The following ANKFN1 variants were observed in gnomAD, a reference collection of about 807,000 sequenced individuals.
ANKFN1 encodes ankyrin repeat and fibronectin type III domain containing 1, also known as ankyrin repeat and fibronectin type-III domain-containing protein 1.
In ANKFN1, 74 loss-of-function variants were observed where a neutral mutation model predicts 108.7. The ratio of observed to expected loss-of-function variants is 0.68; its 90% CI spans 0.56 to 0.83. The LOEUF (loss-of-function observed/expected upper bound fraction) is 0.83, where lower values mean the gene tolerates loss of function less well. ANKFN1 is among the 40% of genes least tolerant of loss of function. ANKFN1 has a pLI of 0.00. For missense variants in ANKFN1, 1,505 were observed against 1,382.3 expected (o/e 1.09, Z -1.41); for synonymous variants, 547 against 516.2 (o/e 1.06, Z -0.81).
chr17:56,066,183 T>C (rs1347412419), intron 4 of ANKFN1, among the ~76,000 whole-genome samples: 1 of 152,208 alleles, frequency 6.6e-6, no homozygotes, highest in East Asian at 1.9e-4. Flanking sequence ...ACAAAACACT[T>C]AGATCACCTC....
intron 8 of ANKFN1, among the ~76,000 whole-genome samples, chr17:56,400,984 C>T (rs1358796566): frequency 6.6e-6 from 1 of 152,148 alleles, no homozygotes; most frequent in Non-Finnish European, 1.5e-5. Context: ...GTTTTGGTGA[C>T]TATGGCCTTA....
rs2049069554 is a variant in ANKFN1 at position 56,440,571 on chromosome 17, T to C, written c.1008+147T>C. On this transcript the variant is annotated intron_variant, in intron 9 of 20. Transcript: ENST00000682825. Reference sequence around the variant, plus strand: ...CATTAAGCATGATATGTCTGGTATCTAGAATCTGAATTTCACAAAGGAGTA... The same window carrying C: ...CATTAAGCATGATATGTCTGGTATCCAGAATCTGAATTTCACAAAGGAGTA... The C allele has an allele frequency of 1.2e-5, 7 of 578,968 alleles. No individual in the cohort carries two copies. In the South Asian group the frequency reaches 1.5e-4, roughly 13 times the overall value. 35.9% of individuals were successfully genotyped at this position (578,968 alleles called of 1,614,324 possible).
chr17:56,487,257 C>T (rs2050885694), intron 18 of ANKFN1, among the ~76,000 whole-genome samples: 1 of 152,100 alleles, frequency 6.6e-6, no homozygotes, highest in South Asian at 2.1e-4. Flanking sequence ...AGGATAGGAC[C>T]CCTTTGCAAT....
At chr17:56,339,621 T>C (rs1055593348) in intron 4 of ANKFN1, among the ~76,000 whole-genome samples, 5 of 152,298 alleles carry the variant, frequency 3.3e-5, no homozygotes, top group African/African-American at 1.2e-4. Context: ...CCCATGTCCC[T>C]GCAAAGGTCA....
chr17:56,254,488 C>G lies in ANKFN1; in HGVS notation c.53+26531C>G, dbSNP rs532687991. Among the ~76,000 whole-genome samples the G allele has an allele frequency of 3.3e-5, 5 of 152,274 alleles. No individual in the cohort carries two copies. The South Asian group carries it at 1.0e-3, about 32-fold the overall frequency. Reference sequence around the variant, plus strand: ...AATGACTGTGCTTCCTTTCCATAGCCAGGATGTCCCAGTATGTCCTTTCCC... The same window carrying G: ...AATGACTGTGCTTCCTTTCCATAGCGAGGATGTCCCAGTATGTCCTTTCCC... On this transcript the variant is annotated intron_variant, in intron 3 of 20. Transcript: ENST00000682825.
At chr17:56,062,181 G>A (rs116421551) in intron 4 of ANKFN1, among the ~76,000 whole-genome samples, 7,754 of 152,188 alleles carry the variant, frequency 0.051, 681 homozygotes, top group African/African-American at 0.18. Context: ...AAAGTGCCAC[G>A]TAACATTAAG....
chr17:56,206,354 A>G (rs1598236397), intron 1 of ANKFN1: 1 of 152,290 alleles, frequency 6.6e-6, no homozygotes, highest in South Asian at 2.1e-4. Context: ...CCCATGGCCC[A>G]TGATTACATG....
chr17:56,402,992 T>C (rs1041361538), intron 8 of ANKFN1, among the ~76,000 whole-genome samples: 1 of 152,180 alleles, frequency 6.6e-6, no homozygotes. Context: ...ATTTGCCATG[T>C]ATTTGCATGG....
chr17:56,475,010 C>G (rs1469760961), intron 15 of ANKFN1, among the ~76,000 whole-genome samples: 1 of 152,112 alleles, frequency 6.6e-6, no homozygotes, highest in African/African-American at 2.4e-5. Flanking sequence ...CCAGTTGTGA[C>G]CATTCTTATT....
At chr17:56,174,524 C>G (rs1254668070) in intron 1 of ANKFN1, 1 of 581,778 alleles carries the variant, frequency 1.7e-6, no homozygotes. Context: ...TTTGGGACAG[C>G]CTCTCCCCCT....
At chr17:56,189,179 T>TTTTTTTTGTTTTTTTTTTTG (rs1555607729) in intron 1 of ANKFN1, among the ~76,000 whole-genome samples, 4 of 111,398 alleles carry the variant, frequency 3.6e-5, no homozygotes, top group Admixed American at 9.5e-5. Context: ...ACTTTTTTTT[T>TTTTTTTTGTTTTTTTTTTTG]TTTTTTTTTG....
chr17:56,457,840 T>G, intron 13 of ANKFN1, 23 bp from the exon 14 acceptor site: 1 of 1,571,344 alleles, frequency 6.4e-7, no homozygotes, highest in Non-Finnish European at 8.8e-7. Flanking sequence ...GACGATGACA[T>G]GATTGCATGC....
chr17:56,275,012 T>A (rs1325895981), intron 3 of ANKFN1, among the ~76,000 whole-genome samples: 1 of 152,216 alleles, frequency 6.6e-6, no homozygotes, highest in East Asian at 1.9e-4. Context: ...AGTGAGCTAA[T>A]GCATGGAACC....
chr17:56,313,450 A>T (rs1333930661), intron 3 of ANKFN1, among the ~76,000 whole-genome samples: 6 of 152,174 alleles, frequency 3.9e-5, no homozygotes, highest in Admixed American at 2.6e-4. Context: ...GTGCCACAGT[A>T]AGGGGAAGGA....
intron 4 of ANKFN1, among the ~76,000 whole-genome samples, chr17:56,130,334 C>T (rs566336313): frequency 3.9e-4 from 60 of 152,216 alleles, no homozygotes; most frequent in Non-Finnish European, 7.1e-4. Context: ...GACTCCACCA[C>T]GGCTAATGTG....
At chr17:56,136,534 G>C (rs536321853) in intron 4 of ANKFN1, among the ~76,000 whole-genome samples, 2 of 152,266 alleles carry the variant, frequency 1.3e-5, no homozygotes, top group East Asian at 3.9e-4. Flanking sequence ...TGGAAACAGG[G>C]TTTTTGTCAG....
chr17:56,296,340 C>G (rs1486366109), intron 3 of ANKFN1, among the ~76,000 whole-genome samples: 1 of 152,064 alleles, frequency 6.6e-6, no homozygotes, highest in African/African-American at 2.4e-5. Flanking sequence ...TTAAATGAGT[C>G]TGATGAACAG....
chr17:56,215,425 C>A (rs1375808603), intron 2 of ANKFN1, among the ~76,000 whole-genome samples: 1 of 152,152 alleles, frequency 6.6e-6, no homozygotes, highest in African/African-American at 2.4e-5. Context: ...AGCAGACACA[C>A]TGAGAAGGCT....
chr17:56,221,999 C>T (rs1345795418), intron 2 of ANKFN1, among the ~76,000 whole-genome samples: 2 of 152,184 alleles, frequency 1.3e-5, no homozygotes, highest in African/African-American at 4.8e-5. Flanking sequence ...ATGCAGAATT[C>T]CAGTCCCCAC....
Sources: gnomAD v4.1 joint callset for allele counts (sites outside exome capture counted in the v4.1 genomes callset) on GRCh38, gnomAD v4.1.1 for gene constraint, MANE v1.5 for transcripts, NCBI Gene and HGNC (gene_info 2026-07-23, HGNC 2026-07-21) for gene names.